The following EPAS1 variants were observed in gnomAD, a reference collection of about 807,000 sequenced individuals.
The protein encoded by EPAS1 is endothelial PAS domain protein 1.
A neutral mutation model predicts 87.9 loss-of-function variants in EPAS1; 23 were observed. That is an observed-to-expected ratio of 0.26 (90% CI 0.19 to 0.37). The LOEUF is 0.37. EPAS1 is among the 10% of genes least tolerant of loss of function. The pLI is 1.00. For synonymous variants in EPAS1, 508 were observed against 444.3 expected, an observed-to-expected ratio of 1.14 and a Z score of -1.80; for missense variants, 1,138 against 1,120.7, an observed-to-expected ratio of 1.02 and a Z score of -0.22.
chr2:46,337,268 C>T (rs1683813036), intron 1 of EPAS1, among the ~76,000 whole-genome samples: 1 of 152,184 alleles, frequency 6.6e-6, no homozygotes, highest in Non-Finnish European at 1.5e-5. Flanking sequence ...AGGGCCAAAT[C>T]GTGCGTGTGT....
intron 1 of EPAS1, among the ~76,000 whole-genome samples, chr2:46,344,499 T>G (rs563436282): frequency 1.3e-5 from 2 of 152,350 alleles, no homozygotes; most frequent in African/African-American, 4.8e-5. Flanking sequence ...AAAGGCATGA[T>G]GTGTGCGGTT....
At chr2:46,314,062 G>C (rs1245544691) in intron 1 of EPAS1, among the ~76,000 whole-genome samples, 1 of 152,184 alleles carries the variant, frequency 6.6e-6, no homozygotes, top group Admixed American at 6.5e-5. Flanking sequence ...ACAAAAATGT[G>C]ATCACAAAAC....
chr2:46,375,236 C>T lies in EPAS1; in HGVS notation c.887-454C>T, dbSNP rs1474030225. On this transcript the variant is annotated intron_variant, in intron 7 of 15. Coordinates refer to ENST00000263734, the MANE Select transcript of EPAS1 (RefSeq NM_001430.5). This position sits in a 1 kb window ranked among gnomAD's most constrained non-coding sequence, Gnocchi z 4.1. ...GCCCTGAGGTCAGGCTTTCTCCAGGCTGCTTAGAAGTCCCCCCACCTGGAG... is the reference window on the plus strand; with the variant it reads ...GCCCTGAGGTCAGGCTTTCTCCAGGTTGCTTAGAAGTCCCCCCACCTGGAG... 6.9e-6 allele frequency among the ~76,000 whole-genome samples: 1 copy of T among 144,298 alleles called. No individual in the cohort carries two copies. Among genetic ancestry groups the T allele is most frequent in the Admixed American group, 6.8e-5 (1 of 14,708 alleles). The allele number at this position is 144,298 out of a possible 152,430, so 94.7% of individuals were successfully genotyped here.
Position 46,302,160 on chromosome 2 carries a change from C to CGG in EPAS1, c.26+4233_26+4234dup, listed in dbSNP as rs201373195. On this transcript the variant is annotated intron_variant, in intron 1 of 15. Coordinates refer to ENST00000263734, the MANE Select transcript of EPAS1 (RefSeq NM_001430.5). ...TGTGTGTGTGTGTGTGCCCGTGCGTCGGGGGGGGGGGCAGTGGTGATTCTC... is the reference window on the plus strand; with the variant it reads ...TGTGTGTGTGTGTGTGCCCGTGCGTCGGGGGGGGGGGGGCAGTGGTGATTCTC... Among the ~76,000 whole-genome samples, 507 of 73,680 alleles carry CGG rather than the reference C, an allele frequency of 6.9e-3. 17 individuals carry two copies. The highest frequency in any genetic ancestry group is 0.022 in the African/African-American group (355 of 16,230). The allele number at this position is 73,680 out of a possible 152,430, so 48.3% of individuals were successfully genotyped here.
At chr2:46,303,614 C>A (rs1683053459) in intron 1 of EPAS1, among the ~76,000 whole-genome samples, 1 of 152,146 alleles carries the variant, frequency 6.6e-6, no homozygotes, top group South Asian at 2.1e-4. Context: ...AGCTTCTTAA[C>A]CAGGCTTTGT....
rs190854644 is a variant in EPAS1 at position 46,326,305 on chromosome 2, T to C, written c.27-20568T>C. On this transcript the variant is annotated intron_variant, in intron 1 of 15. Coordinates refer to ENST00000263734, the MANE Select transcript of EPAS1 (RefSeq NM_001430.5). ...GCCTAATAACAAGGGAATTCGACTA[T>C]CAAGATTTCCTGGAGTGGCTTAAGT... Among the ~76,000 whole-genome samples, 772 of 152,278 alleles carry C rather than the reference T, an allele frequency of 5.1e-3. 4 individuals carry two copies. Among genetic ancestry groups the C allele is most frequent in the African/African-American group, 0.018 (736 of 41,542 alleles).
chr2:46,382,564 G>A lies in EPAS1; in HGVS notation c.2427G>A (p.Gln809=), dbSNP rs112054622. 6.2e-7 allele frequency: 1 copy of A among 1,614,136 alleles called. No individual in the cohort carries two copies. The highest frequency in any genetic ancestry group is 8.5e-7 in the Non-Finnish European group (1 of 1,180,048). ...CACAGTGCTACGCCACCCAGTACCA[G>A]GACTACAGCCTGTCGTCAGCCCACA... ...FPPQCYATQY[Q]DYSLSSAHKV... is the part of the protein sequence containing the mutation. Residue 809 remains glutamine (Q), a synonymous_variant, in exon 15 of 16, where the codon CAG becomes CAA. Coordinates refer to ENST00000263734, the MANE Select transcript of EPAS1 (RefSeq NM_001430.5).
At chr2:46,365,471 G>C (rs116649766) in intron 6 of EPAS1, among the ~76,000 whole-genome samples, 1 of 152,186 alleles carries the variant, frequency 6.6e-6, no homozygotes, top group Non-Finnish European at 1.5e-5. Context: ...AGTAAAAATG[G>C]TGAAAGTGAG....
intron 1 of EPAS1, among the ~76,000 whole-genome samples, chr2:46,316,514 G>C (rs1254128053): frequency 6.6e-6 from 1 of 152,178 alleles, no homozygotes; most frequent in Non-Finnish European, 1.5e-5. Context: ...GCCTGCCTCA[G>C]CCTCCCAAAG....
Position 46,375,669 on chromosome 2 carries a change from GCT to G in EPAS1, c.887-18_887-17del, listed in dbSNP as rs756483563. 3.1e-6 allele frequency: 5 copies of G among 1,612,772 alleles called. No individual in the cohort carries two copies. Among genetic ancestry groups the G allele is most frequent in the East Asian group, 2.2e-5 (1 of 44,838 alleles). On this transcript the variant is annotated intron_variant, in intron 7 of 15. Transcript: ENST00000263734. The surrounding 1 kb of genome is among the most constrained non-coding windows in gnomAD (Gnocchi z 4.1). The stretch of plus-strand genomic sequence containing the variant: ...CCCCTGCCCCACCTCCCTAAGCTCA[GCT>G]CTGTTTCTCCTCCCCTAGTGTGCAC...
intron 1 of EPAS1, among the ~76,000 whole-genome samples, chr2:46,299,358 C>T (rs76298928): frequency 0.039 from 5,927 of 152,268 alleles, 170 homozygotes; most frequent in Non-Finnish European, 0.058. Flanking sequence ...TTCTCGTCAC[C>T]GTCGCGCCCT....
chr2:46,316,310 G>A (rs148920304), intron 1 of EPAS1, among the ~76,000 whole-genome samples: 12 of 151,710 alleles, frequency 7.9e-5, no homozygotes, highest in Admixed American at 2.0e-4. Context: ...ACAGACTGGA[G>A]TGCAATGGGG....
chr2:46,369,768 A>G, intron 6 of EPAS1, 59 bp from the exon 7 acceptor site: 1 of 1,295,044 alleles, frequency 7.7e-7, no homozygotes, highest in Non-Finnish European at 1.1e-6. Flanking sequence ...TCCTGCCCAC[A>G]TGCTGTGCTA....
At chr2:46,343,876 C>G (rs79756632) in intron 1 of EPAS1, among the ~76,000 whole-genome samples, 3,054 of 152,366 alleles carry the variant, frequency 0.02, 67 homozygotes, top group African/African-American at 0.049. Flanking sequence ...AACTTACCTG[C>G]TCAAGTGTCT....
At chr2:46,311,217 A>G (rs1462768720) in intron 1 of EPAS1, among the ~76,000 whole-genome samples, 2 of 152,082 alleles carry the variant, frequency 1.3e-5, no homozygotes, top group Non-Finnish European at 2.9e-5. Context: ...CTAGTAATCA[A>G]TAAATGCTTG....
intron 1 of EPAS1, among the ~76,000 whole-genome samples, chr2:46,305,530 C>G (rs1380006894): frequency 1.3e-5 from 2 of 152,134 alleles, no homozygotes; most frequent in Non-Finnish European, 2.9e-5. Context: ...GATAATGATC[C>G]TGTGAACAGA....
Position 46,384,651 on chromosome 2 carries a change from G to A in EPAS1, c.2604G>A (p.Gln868=). 2 of 1,613,692 alleles carry A rather than the reference G, an allele frequency of 1.2e-6. No individual in the cohort carries two copies. Among genetic ancestry groups the A allele is most frequent in the South Asian group, 2.2e-5 (2 of 91,072 alleles). The part of the protein sequence containing the change: ...QGGDLLRALD[Q]AT ...GGGACCTCCTCAGAGCCCTGGACCA[G>A]GCCACCTGAGCCAGGCCTTCTACCT... Residue 868 remains glutamine, a synonymous_variant, in exon 16 of 16, where the codon CAG becomes CAA. Transcript: ENST00000263734.
intron 1 of EPAS1, among the ~76,000 whole-genome samples, chr2:46,324,109 C>T (rs1172451051): frequency 6.6e-6 from 1 of 152,226 alleles, no homozygotes; most frequent in East Asian, 1.9e-4. Flanking sequence ...TTCTGTAGCC[C>T]AGGCTGGAGT....
In EPAS1 at chr2:46,378,706, T is replaced by C. The variant is rs145682196; in HGVS notation, c.1493T>C (p.Ile498Thr). 9.9e-6 allele frequency: 16 copies of C among 1,614,040 alleles called. No homozygotes were observed. The highest frequency in any genetic ancestry group is 1.4e-5 in the Non-Finnish European group (16 of 1,180,022). ...ACATCTTTGGATAACGACCTGAAGATTGAAGTGATTGAGAAGCTCTTCGCC... is the reference window on the plus strand; with the variant it reads ...ACATCTTTGGATAACGACCTGAAGACTGAAGTGATTGAGAAGCTCTTCGCC... Reference protein sequence around the residue: ...YYTSLDNDLKIEVIEKLFAMD... With the variant: ...YYTSLDNDLKTEVIEKLFAMD... The change falls in exon 11 of 16, where the codon ATT becomes ACT. Residue 498 changes from isoleucine to threonine, a missense_variant. By Grantham distance (89) the Ile-to-Thr change is moderately conservative. Transcript: ENST00000263734.
Sources: gnomAD v4.1 joint callset for allele counts (sites outside exome capture counted in the v4.1 genomes callset) on GRCh38, gnomAD v4.1.1 for gene constraint, Gnocchi (gnomAD v3.1) non-coding constraint, MANE v1.5 for transcripts, NCBI Gene and HGNC (gene_info 2026-07-23, HGNC 2026-07-21) for gene names.